CTNND2: variants seen among roughly 807,000 people sequenced by gnomAD.
CTNND2 encodes catenin delta 2, also known as catenin delta-2.
Under a neutral mutation model 144.4 loss-of-function variants are expected in CTNND2, and 22 were observed. That is an observed-to-expected ratio of 0.15 (90% CI 0.11 to 0.22). The LOEUF (loss-of-function observed/expected upper bound fraction) is 0.22. CTNND2 is among the 10% of genes least tolerant of loss of function. The pLI is 1.00. For missense variants in CTNND2, 1,353 were observed against 1,618.8 expected, an observed-to-expected ratio of 0.84 and a Z score of 2.82; for synonymous variants, 751 against 695.6, an observed-to-expected ratio of 1.08 and a Z score of -1.25.
At chr5:11,194,430 T>C (rs1736651038) in intron 11 of CTNND2, among the ~76,000 whole-genome samples, 1 of 152,096 alleles carries the variant, frequency 6.6e-6, no homozygotes, top group African/African-American at 2.4e-5. Flanking sequence ...TCCACAGAGA[T>C]GGATTGTGAT....
chr5:11,672,852 G>A (rs941378254), intron 2 of CTNND2, among the ~76,000 whole-genome samples: 1 of 152,138 alleles, frequency 6.6e-6, no homozygotes, highest in Admixed American at 6.5e-5. Flanking sequence ...CCCTTGGCTA[G>A]AGAAGGGAAA....
intron 1 of CTNND2, among the ~76,000 whole-genome samples, chr5:11,786,171 G>A (rs1790821438): frequency 6.6e-6 from 1 of 152,196 alleles, no homozygotes; most frequent in Non-Finnish European, 1.5e-5. Flanking sequence ...CCACTCAGGG[G>A]ACCAGGCCAG....
intron 2 of CTNND2, among the ~76,000 whole-genome samples, chr5:11,631,486 C>T (rs748282148): frequency 1.3e-5 from 2 of 152,184 alleles, no homozygotes; most frequent in Non-Finnish European, 2.9e-5. Flanking sequence ...ATTTGTGCCA[C>T]AGCACACTCC....
intron 9 of CTNND2, among the ~76,000 whole-genome samples, chr5:11,274,171 T>C (rs1282900687): frequency 2.0e-5 from 3 of 152,202 alleles, no homozygotes; most frequent in African/African-American, 7.2e-5. Context: ...GCCAAGGTAC[T>C]TTCTATTGGC....
At chr5:11,718,110 A>C (rs1375385774) in intron 2 of CTNND2, among the ~76,000 whole-genome samples, 1 of 152,224 alleles carries the variant, frequency 6.6e-6, no homozygotes, top group Non-Finnish European at 1.5e-5. Context: ...TCAATTAATA[A>C]AATAATTTCA....
At chr5:11,580,016 G>A (rs1561583043) in intron 2 of CTNND2, among the ~76,000 whole-genome samples, 2 of 152,166 alleles carry the variant, frequency 1.3e-5, no homozygotes, top group Admixed American at 6.5e-5. Flanking sequence ...AACAAAGCAT[G>A]CATATCTAAT....
chr5:11,462,570 C>A (rs577057244), intron 3 of CTNND2, among the ~76,000 whole-genome samples: 1 of 150,772 alleles, frequency 6.6e-6, no homozygotes, highest in African/African-American at 2.4e-5. Context: ...CCCAGAGTAA[C>A]AGAAGAATAT....
chr5:11,415,405 A>G (rs1055311266), intron 3 of CTNND2, among the ~76,000 whole-genome samples: 2 of 152,124 alleles, frequency 1.3e-5, no homozygotes, highest in African/African-American at 4.8e-5. Context: ...GGAATTCCAG[A>G]CTAGCCTGGG....
chr5:11,283,813 C>T (rs923356741), intron 9 of CTNND2, among the ~76,000 whole-genome samples: 7 of 150,324 alleles, frequency 4.7e-5, no homozygotes, highest in African/African-American at 9.8e-5. Context: ...GTAAATCACA[C>T]GTTAAATTTT....
intron 8 of CTNND2, among the ~76,000 whole-genome samples, chr5:11,358,747 T>A (rs890974217): frequency 6.6e-6 from 1 of 151,400 alleles, no homozygotes; most frequent in East Asian, 1.9e-4. Flanking sequence ...ACGTTTTTTT[T>A]AGAGACTATT....
chr5:11,405,834 A>C (rs985768780), intron 5 of CTNND2, among the ~76,000 whole-genome samples: 34 of 152,258 alleles, frequency 2.2e-4, no homozygotes, highest in Middle Eastern at 3.4e-3. Context: ...AACTTTAGAC[A>C]TGGACACCAT....
chr5:11,623,619 A>T (rs903051330), intron 2 of CTNND2, among the ~76,000 whole-genome samples: 5 of 151,764 alleles, frequency 3.3e-5, no homozygotes, highest in African/African-American at 1.2e-4. Flanking sequence ...ATAGGCTAAA[A>T]GTAAAAGGAT....
chr5:11,411,586 G>A lies in CTNND2; in HGVS notation c.389C>T (p.Ser130Leu). 6.2e-7 allele frequency: 1 copy of A among 1,611,538 alleles called. No individual in the cohort carries two copies. The change falls in exon 5 of 22, where the codon TCA becomes TTA. Residue 130 changes from serine (S) to leucine (L), a missense_variant. By Grantham distance (145) the Ser-to-Leu change is moderately radical (BLOSUM62 -2). Coordinates refer to ENST00000304623, the MANE Select transcript of CTNND2 (RefSeq NM_001332.4). ...GTCAAGTATTCCTGATTCCTGTAGT[G>A]ACCTAATACAGGAGTCCACCAGCTC... is the stretch of plus-strand genomic sequence containing the variant. The part of the protein sequence containing the change: ...GLELVDSCIR[S>L]LQESGILDPQ...
chr5:11,619,077 C>T (rs1048694013), intron 2 of CTNND2, among the ~76,000 whole-genome samples: 1 of 152,024 alleles, frequency 6.6e-6, no homozygotes, highest in Non-Finnish European at 1.5e-5. Context: ...TTTACATGCA[C>T]TAAAAACATA....
At chr5:11,547,268 AAAATAAAT>A (rs140923100) in intron 3 of CTNND2, among the ~76,000 whole-genome samples, 19,180 of 142,980 alleles carry the variant, frequency 0.13, 1,497 homozygotes, top group East Asian at 0.31. Flanking sequence ...ATTCCATCTC[AAAATAAAT>A]AAATAAATAA....
At chr5:11,234,076 G>A (rs59650474) in intron 10 of CTNND2, among the ~76,000 whole-genome samples, 8,512 of 152,088 alleles carry the variant, frequency 0.056, 788 homozygotes, top group African/African-American at 0.19. Context: ...CAGCTGCTGG[G>A]GGCCACCCCA....
chr5:11,022,542 C>T (rs542607894), intron 17 of CTNND2, among the ~76,000 whole-genome samples: 4 of 152,308 alleles, frequency 2.6e-5, no homozygotes, highest in South Asian at 2.1e-4. Flanking sequence ...AGGTTGAACT[C>T]GTGTCGCTGC....
At chr5:11,082,600 T>C in intron 16 of CTNND2, 96 bp downstream of exon 16, 1 of 1,393,538 alleles carries the variant, frequency 7.2e-7, no homozygotes, top group Non-Finnish European at 9.7e-7. Flanking sequence ...GGCTTCTGTG[T>C]AAGCATAGGC....
intron 9 of CTNND2, among the ~76,000 whole-genome samples, chr5:11,243,016 A>AG (rs1742617372): frequency 6.6e-6 from 1 of 152,224 alleles, no homozygotes; most frequent in African/African-American, 2.4e-5. Flanking sequence ...GACTGCCAAA[A>AG]GGGATACATT....
Sources: allele counts gnomAD v4.1 joint callset (sites outside exome capture counted in the v4.1 genomes callset), GRCh38; gene constraint gnomAD v4.1.1; transcripts MANE v1.5; gene names NCBI Gene and HGNC (gene_info 2026-07-23, HGNC 2026-07-21).